Variants in ROBO2 observed in about 807,000 individuals in gnomAD.
The protein encoded by ROBO2 is roundabout homolog 2.
In ROBO2, 53 loss-of-function variants were observed where a neutral mutation model predicts 160.8. The observed-to-expected ratio is 0.33, with a 90% CI of 0.26 to 0.41. The LOEUF (loss-of-function observed/expected upper bound fraction) is 0.41, where lower values mean the gene tolerates loss of function less well. Among genes scored for constraint, ROBO2 ranks in the 10% least tolerant of loss-of-function variants. ROBO2 has a pLI of 1.00. For synonymous variants in ROBO2, 664 were observed against 611.7 expected (o/e 1.09, Z -1.26); for missense variants, 1,577 against 1,722.4 (o/e 0.92, Z 1.49).
At chr3:76,697,930 G>A (rs953415388) in intron 2 of ROBO2, among the ~76,000 whole-genome samples, 1 of 152,140 alleles carries the variant, frequency 6.6e-6, no homozygotes, top group Admixed American at 6.6e-5. Context: ...ATTGGATATA[G>A]AATGCCTGTA....
At chr3:76,271,046 C>A (rs1475637108) in intron 2 of ROBO2, among the ~76,000 whole-genome samples, 2 of 152,066 alleles carry the variant, frequency 1.3e-5, no homozygotes, top group African/African-American at 2.4e-5. Flanking sequence ...TTAATACTAG[C>A]ATCTTGAATA....
chr3:77,288,659 A>G (rs1173755281), intron 2 of ROBO2, among the ~76,000 whole-genome samples: 3 of 152,130 alleles, frequency 2.0e-5, no homozygotes, highest in Non-Finnish European at 4.4e-5. Flanking sequence ...AACACACCCA[A>G]ACAAAAATGG....
chr3:76,276,909 T>C (rs1295514253), intron 2 of ROBO2, among the ~76,000 whole-genome samples: 3 of 152,054 alleles, frequency 2.0e-5, no homozygotes, highest in South Asian at 4.1e-4. Context: ...TACATAATGA[T>C]ATATCTTATC....
chr3:76,091,544 TTATCA>T (rs1292522950), intron 2 of ROBO2, among the ~76,000 whole-genome samples: 3 of 152,158 alleles, frequency 2.0e-5, no homozygotes, highest in Non-Finnish European at 4.4e-5. Context: ...TAACCGGCTC[TTATCA>T]TATAATCTAG....
At chr3:76,991,018 A>G (rs1177194773) in intron 2 of ROBO2, among the ~76,000 whole-genome samples, 1 of 152,122 alleles carries the variant, frequency 6.6e-6, no homozygotes, top group Non-Finnish European at 1.5e-5. Flanking sequence ...CCCAGGTCAG[A>G]AGGTCAAACT....
At position 76,306,899 on chromosome 3, in the gene ROBO2, G is replaced by A. The variant is rs144146651; in HGVS notation, c.109+369297G>A. The stretch of plus-strand genomic sequence containing the variant: ...TGCTTGGACTATTGTATATTTAAGC[G>A]GTTTTTCCTGCTTCTAATTTCACTC... On this transcript the variant is annotated intron_variant, in intron 2 of 26. Transcript: ENST00000487694. 7.5e-3 allele frequency among the ~76,000 whole-genome samples: 1,138 copies of A among 152,134 alleles called. 15 individuals are homozygous for A. Among genetic ancestry groups the A allele is most frequent in the African/African-American group, 0.025 (1,055 of 41,512 alleles).
intron 2 of ROBO2, among the ~76,000 whole-genome samples, chr3:77,296,281 A>AG (rs1456152744): frequency 6.6e-6 from 1 of 152,052 alleles, no homozygotes; most frequent in African/African-American, 2.4e-5. Flanking sequence ...AGCTGAGGCT[A>AG]GATCACCCCA....
chr3:76,582,063 T>G (rs892045519), intron 2 of ROBO2, among the ~76,000 whole-genome samples: 9 of 152,176 alleles, frequency 5.9e-5, no homozygotes, highest in Non-Finnish European at 1.5e-5. Context: ...CTCCTAGGTT[T>G]CTGCCAAAGT....
At chr3:76,151,890 TG>T (rs1213977310) in intron 2 of ROBO2, among the ~76,000 whole-genome samples, 1 of 152,196 alleles carries the variant, frequency 6.6e-6, no homozygotes, top group East Asian at 1.9e-4. Flanking sequence ...ATAATTTATT[TG>T]GTTGCTACTT....
At chr3:77,510,697 T>A (rs930985645) in intron 5 of ROBO2, among the ~76,000 whole-genome samples, 13 of 152,242 alleles carry the variant, frequency 8.5e-5, no homozygotes, top group African/African-American at 3.1e-4. Context: ...GAAGAAATTC[T>A]AAATATTTCA....
At chr3:76,482,658 G>C (rs762831369) in intron 2 of ROBO2, among the ~76,000 whole-genome samples, 1 of 152,004 alleles carries the variant, frequency 6.6e-6, no homozygotes, top group Non-Finnish European at 1.5e-5. Flanking sequence ...GTCATGTATG[G>C]ACAACTCCAT....
At chr3:77,488,269 A>T (rs1018554963) in intron 4 of ROBO2, among the ~76,000 whole-genome samples, 2 of 152,122 alleles carry the variant, frequency 1.3e-5, no homozygotes, top group Admixed American at 6.5e-5. Flanking sequence ...AAATCCTGTT[A>T]ATCTCACATA....
At chr3:77,153,611 A>T (rs2077720736) in intron 2 of ROBO2, among the ~76,000 whole-genome samples, 1 of 152,166 alleles carries the variant, frequency 6.6e-6, no homozygotes. Flanking sequence ...AATGAGAGGA[A>T]GCCAGACTGG....
At chr3:76,618,265 T>C (rs2088759072) in intron 2 of ROBO2, among the ~76,000 whole-genome samples, 1 of 151,650 alleles carries the variant, frequency 6.6e-6, no homozygotes, top group Admixed American at 6.6e-5. Flanking sequence ...TGGCATGTTG[T>C]AAATGCCCAT....
rs149934119 is a variant in ROBO2, at chr3:76,549,613, G to A, written c.110-548401G>A. On this transcript the variant is annotated intron_variant, in intron 2 of 26. Transcript: ENST00000487694. Reference sequence around the variant, plus strand: ...AATATTCCATCAATATACCCTTTCCGATAGTTTATCCTGTTTCCTGTTCAT... The same window carrying A: ...AATATTCCATCAATATACCCTTTCCAATAGTTTATCCTGTTTCCTGTTCAT... Among the ~76,000 whole-genome samples, 17 of 152,286 alleles carry A rather than the reference G, an allele frequency of 1.1e-4. 1 individual carries two copies. The highest frequency in any genetic ancestry group is 3.6e-4 in the African/African-American group (15 of 41,554).
At chr3:76,237,891 A>T (rs1010048294) in intron 2 of ROBO2, among the ~76,000 whole-genome samples, 1 of 152,126 alleles carries the variant, frequency 6.6e-6, no homozygotes, top group African/African-American at 2.4e-5. Context: ...TTCCCCTCAA[A>T]CCTTGTGGCT....
At chr3:76,690,397 T>G (rs1223765203) in intron 2 of ROBO2, among the ~76,000 whole-genome samples, 1 of 151,978 alleles carries the variant, frequency 6.6e-6, no homozygotes, top group Non-Finnish European at 1.5e-5. Flanking sequence ...TAGCAGCCCC[T>G]TATAAAAGGG....
At chr3:76,096,398 T>C (rs1406583560) in intron 2 of ROBO2, among the ~76,000 whole-genome samples, 2 of 152,192 alleles carry the variant, frequency 1.3e-5, no homozygotes, top group African/African-American at 4.8e-5. Context: ...AGGTATATTT[T>C]ACGGAGAAAT....
chr3:77,578,264 C>T (rs1056928786), intron 15 of ROBO2, among the ~76,000 whole-genome samples: 2 of 152,022 alleles, frequency 1.3e-5, no homozygotes, highest in East Asian at 1.9e-4. Context: ...AGTATGTCTA[C>T]GTTTTCAAAA....
Sources: allele counts gnomAD v4.1 joint callset (sites outside exome capture counted in the v4.1 genomes callset), GRCh38; gene constraint gnomAD v4.1.1; transcripts MANE v1.5; gene names NCBI Gene and HGNC (gene_info 2026-07-23, HGNC 2026-07-21).